The following COL5A2 variants were observed in gnomAD, a reference collection of about 807,000 sequenced individuals.
COL5A2 encodes the protein collagen alpha-2(V) chain.
Under a neutral mutation model 208.2 loss-of-function variants are expected in COL5A2, and 23 were observed. The ratio of observed to expected loss-of-function variants is 0.11; its 90% CI spans 0.08 to 0.16. The LOEUF (loss-of-function observed/expected upper bound fraction) is 0.16, where lower values mean the gene tolerates loss of function less well. Among genes scored for constraint, COL5A2 ranks in the 10% least tolerant of loss-of-function variants. The pLI, the probability that COL5A2 is intolerant of heterozygous loss-of-function variation, is 1.00. For synonymous variants in COL5A2, 625 were observed against 628.5 expected, an observed-to-expected ratio of 0.99 and a Z score of 0.08; for missense variants, 1,590 against 1,956.4, an observed-to-expected ratio of 0.81 and a Z score of 3.53.
chr2:189,299,761 T>C, the COL5A2 span, among the ~76,000 whole-genome samples: 2 of 152,180 alleles, frequency 1.3e-5, no homozygotes, highest in South Asian at 2.1e-4. Flanking sequence ...AAGCAAGTCA[T>C]GGTGCTTGCA....
intron 6 of COL5A2, 54 bp from the exon 7 acceptor site, chr2:189,092,474 G>C: frequency 1.9e-6 from 2 of 1,080,546 alleles, no homozygotes; most frequent in Non-Finnish European, 2.8e-6. Context: ...ACACTTAGTA[G>C]AAAGCTAAAG....
At chr2:189,283,284 G>A in the COL5A2 span, among the ~76,000 whole-genome samples, 10 of 151,796 alleles carry the variant, frequency 6.6e-5, no homozygotes, top group East Asian at 1.7e-3. Flanking sequence ...AGGAACCAGG[G>A]AAGGAAAGGA....
the COL5A2 span, among the ~76,000 whole-genome samples, chr2:189,387,701 A>C: frequency 6.6e-6 from 1 of 152,220 alleles, no homozygotes; most frequent in Non-Finnish European, 1.5e-5. Context: ...ATGCTCGAAG[A>C]TATTAATGCA....
intron 1 of COL5A2, among the ~76,000 whole-genome samples, chr2:189,171,426 G>A (rs1215983653): frequency 6.6e-6 from 1 of 152,198 alleles, no homozygotes; most frequent in Non-Finnish European, 1.5e-5. Context: ...TGCTATCACA[G>A]TAACTGAGGG....
intron 1 of COL5A2, among the ~76,000 whole-genome samples, chr2:189,151,014 C>G (rs1343932566): frequency 6.6e-6 from 1 of 152,094 alleles, no homozygotes; most frequent in African/African-American, 2.4e-5. Context: ...GGACAGTAGT[C>G]TGTAACGTAA....
At chr2:189,423,023 CAAA>C in the COL5A2 span, among the ~76,000 whole-genome samples, 11 of 112,838 alleles carry the variant, frequency 9.7e-5, no homozygotes, top group Non-Finnish European at 1.5e-4. Context: ...AACTCTGTCT[CAAA>C]AAAAAAAAAA....
At chr2:189,083,859 G>T (rs577117293) in intron 12 of COL5A2, 125 bp downstream of exon 12, 4 of 751,250 alleles carry the variant, frequency 5.3e-6, no homozygotes, top group African/African-American at 3.5e-5. Flanking sequence ...ACATTTTTAC[G>T]GAAACAAACA....
In COL5A2 at chr2:189,052,819, A is replaced by C; in HGVS notation, c.2662-17T>G. On this transcript the variant is annotated splice_polypyrimidine_tract_variant and intron_variant, in intron 39 of 53. Transcript: ENST00000374866. ...ATTAGGACCCTGAATAGAAACAAAC[A>C]AAAGAGCACTATAGTGAAGCAAAAG... 1 of 1,614,104 alleles carries C rather than the reference A, an allele frequency of 6.2e-7. No homozygotes were observed. Among genetic ancestry groups the C allele is most frequent in the African/African-American group, 1.3e-5 (1 of 75,048 alleles).
chr2:189,171,113 G>A (rs1688565371), intron 1 of COL5A2, among the ~76,000 whole-genome samples: 1 of 152,090 alleles, frequency 6.6e-6, no homozygotes, highest in East Asian at 1.9e-4. Context: ...GAGAGAGTGA[G>A]AGAGAGAGTT....
intron 1 of COL5A2, among the ~76,000 whole-genome samples, chr2:189,125,640 T>G (rs1687593015): frequency 6.6e-6 from 1 of 152,154 alleles, no homozygotes. Context: ...AAGAACATCT[T>G]CCTTTTTCTA....
chr2:189,150,042 C>T lies in COL5A2; in HGVS notation c.97+29466G>A, dbSNP rs76248513. ...CTCTGTGAAGTGTATTTTATGTGACCCTCAGTTGTTATGGTTTGCTTTAAT... is the reference window on the plus strand; with the variant it reads ...CTCTGTGAAGTGTATTTTATGTGACTCTCAGTTGTTATGGTTTGCTTTAAT... On this transcript the variant is annotated intron_variant, in intron 1 of 53. Transcript: ENST00000374866. 3.2e-3 allele frequency among the ~76,000 whole-genome samples: 479 copies of T among 151,964 alleles called. 1 individual carries two copies. The highest frequency in any genetic ancestry group is 7.5e-3 in the South Asian group (36 of 4,800).
intron 48 of COL5A2, 128 bp from the exon 49 acceptor site, chr2:189,042,901 G>A: frequency 1.1e-6 from 1 of 915,752 alleles, no homozygotes; most frequent in Non-Finnish European, 1.7e-6. Context: ...TCTCTGCAAT[G>A]TCTACATGAG....
the COL5A2 span, among the ~76,000 whole-genome samples, chr2:189,419,657 G>A: frequency 1.3e-5 from 2 of 151,442 alleles, no homozygotes; most frequent in African/African-American, 4.9e-5. Flanking sequence ...TTAACCAAGA[G>A]TGGTGGCACA....
chr2:189,336,451 C>T, the COL5A2 span, among the ~76,000 whole-genome samples: 1 of 152,014 alleles, frequency 6.6e-6, no homozygotes, highest in Non-Finnish European at 1.5e-5. Context: ...TTTACAATAG[C>T]CCAAACTGGA....
chr2:189,428,565 C>T, the COL5A2 span, among the ~76,000 whole-genome samples: 2 of 152,092 alleles, frequency 1.3e-5, no homozygotes, highest in African/African-American at 4.8e-5. Context: ...TTGCAGTGAG[C>T]CAAGACTGTG....
At chr2:189,053,206 TC>T (rs1254114208) in intron 38 of COL5A2, among the ~76,000 whole-genome samples, 188 bp from the exon 39 acceptor site, 1 of 152,096 alleles carries the variant, frequency 6.6e-6, no homozygotes, top group Non-Finnish European at 1.5e-5. Context: ...AAATAAGCTA[TC>T]CCACTGCATT....
chr2:189,441,085 T>A, the COL5A2 span, among the ~76,000 whole-genome samples: 2 of 151,476 alleles, frequency 1.3e-5, no homozygotes, highest in Non-Finnish European at 2.9e-5. Flanking sequence ...GCTCGCGTCA[T>A]CCTGCAGCGC....
At chr2:189,387,736 AGTT>A in the COL5A2 span, among the ~76,000 whole-genome samples, 3 of 152,202 alleles carry the variant, frequency 2.0e-5, no homozygotes, top group African/African-American at 4.8e-5. Context: ...GGCAAAAAAA[AGTT>A]GTTGTTCTAT....
At chr2:189,439,219 G>A in the COL5A2 span, among the ~76,000 whole-genome samples, 1 of 152,006 alleles carries the variant, frequency 6.6e-6, no homozygotes, top group South Asian at 2.1e-4. Flanking sequence ...ATAAGTTTTT[G>A]TTTCTTCCCA....
Sources: allele counts gnomAD v4.1 joint callset (sites outside exome capture counted in the v4.1 genomes callset), GRCh38; gene constraint gnomAD v4.1.1; transcripts MANE v1.5; gene names NCBI Gene and HGNC (gene_info 2026-07-23, HGNC 2026-07-21).